CD163L1: variants seen among roughly 807,000 people sequenced by gnomAD.
The protein encoded by CD163L1 is scavenger receptor cysteine-rich type 1 protein M160.
Under a neutral mutation model 165.4 loss-of-function variants are expected in CD163L1, and 124 were observed. The ratio of observed to expected loss-of-function variants is 0.75; its 90% confidence interval spans 0.65 to 0.87. The LOEUF (loss-of-function observed/expected upper bound fraction) is 0.87, where lower values mean the gene tolerates loss of function less well. CD163L1 is among the 40% of genes least tolerant of loss of function. CD163L1 has a pLI of 0.00. For missense variants in CD163L1, 1,525 were observed against 1,799.9 expected, an observed-to-expected ratio of 0.85 and a Z score of 2.76; for synonymous variants, 585 against 662.2, an observed-to-expected ratio of 0.88 and a Z score of 1.79.
the CD163L1 span, among the ~76,000 whole-genome samples, chr12:7,327,764 G>C: frequency 2.0e-5 from 3 of 152,102 alleles, no homozygotes; most frequent in Non-Finnish European, 2.9e-5. Context: ...CTAAATCAGT[G>C]ACTGTTGACT....
In CD163L1 at chr12:7,396,092, T is replaced by C. The variant is rs374656452; in HGVS notation, c.2050+3A>G. 2 of 1,608,126 alleles carry C rather than the reference T, an allele frequency of 1.2e-6. No individual in the cohort carries two copies. Among genetic ancestry groups the C allele is most frequent in the African/African-American group, 1.3e-5 (1 of 74,872 alleles). On this transcript the variant is annotated splice_donor_region_variant and intron_variant, in intron 8 of 19. Transcript: ENST00000313599. ...TAAGGAAGCCCTGGTTTGGGTATCT[T>C]ACCAGAACAGATCACTCCAACATCT...
At chr12:7,383,845 A>C (rs1449887761) in intron 8 of CD163L1, among the ~76,000 whole-genome samples, 1 of 152,220 alleles carries the variant, frequency 6.6e-6, no homozygotes, top group Non-Finnish European at 1.5e-5. Flanking sequence ...ACCCCAAAAT[A>C]TGAAAGCAAC....
the CD163L1 span, among the ~76,000 whole-genome samples, chr12:7,329,336 A>ATTTTTT: frequency 7.2e-6 from 1 of 139,080 alleles, no homozygotes; most frequent in African/African-American, 2.7e-5. Context: ...ACCATATTTA[A>ATTTTTT]TTTTTTTTTC....
chr12:7,322,796 G>A, the CD163L1 span, among the ~76,000 whole-genome samples: 1 of 152,152 alleles, frequency 6.6e-6, no homozygotes, highest in East Asian at 1.9e-4. Context: ...GGTGGGTGAG[G>A]TTCAGAACTG....
At chr12:7,441,304 G>T in intron 1 of CD163L1, 58 bp from the exon 2 acceptor site, 1 of 1,205,846 alleles carries the variant, frequency 8.3e-7, no homozygotes, top group South Asian at 1.2e-5. Context: ...AATGTTAGAT[G>T]ACCTCAATGA....
At position 7,408,009 on chromosome 12, in the gene CD163L1, C is replaced by A. The variant is rs1177180827; in HGVS notation, c.767-1157G>T. ...TTGGTTGACTCCATGGATATGAAAC[C>A]CACAGATTCTAAAGGCCAACTGTGT... On this transcript the variant is annotated intron_variant, in intron 4 of 19. Transcript: ENST00000313599. Among the ~76,000 whole-genome samples the A allele has an allele frequency of 3.3e-5, 5 of 151,350 alleles. No homozygotes were observed. The East Asian group carries it at 9.7e-4, about 29-fold the overall frequency.
intron 4 of CD163L1, among the ~76,000 whole-genome samples, chr12:7,419,096 A>T (rs1474372911): frequency 1.3e-5 from 2 of 151,674 alleles, no homozygotes; most frequent in Non-Finnish European, 3.0e-5. Flanking sequence ...TGATAAATCT[A>T]GATGCAAAAA....
At chr12:7,323,537 T>C in the CD163L1 span, 1 of 1,613,564 alleles carries the variant, frequency 6.2e-7, no homozygotes, top group African/African-American at 1.3e-5. Context: ...TACACGGCCC[T>C]TCTGTTTCTT....
intron 4 of CD163L1, among the ~76,000 whole-genome samples, chr12:7,414,273 A>G (rs1948194727): frequency 6.6e-6 from 1 of 152,148 alleles, no homozygotes; most frequent in African/African-American, 2.4e-5. Flanking sequence ...AGATAGAAAC[A>G]ATTGAAAACA....
chr12:7,370,928 T>A (rs533326274), intron 14 of CD163L1, among the ~76,000 whole-genome samples: 7 of 152,178 alleles, frequency 4.6e-5, no homozygotes, highest in Non-Finnish European at 8.8e-5. Context: ...AATCTCAAAC[T>A]GTAGCTCCCA....
At chr12:7,319,701 T>A in the CD163L1 span, among the ~76,000 whole-genome samples, 1 of 152,098 alleles carries the variant, frequency 6.6e-6, no homozygotes, top group Non-Finnish European at 1.5e-5. Flanking sequence ...GAAACCAGTC[T>A]GTCCTTTGGG....
At chr12:7,325,152 G>A in the CD163L1 span, among the ~76,000 whole-genome samples, 364 of 152,300 alleles carry the variant, frequency 2.4e-3, 1 homozygote, top group African/African-American at 8.1e-3. Context: ...CATGCTGATC[G>A]GTCAGACTTG....
At chr12:7,383,962 T>A (rs2136457088) in intron 8 of CD163L1, among the ~76,000 whole-genome samples, 1 of 152,250 alleles carries the variant, frequency 6.6e-6, no homozygotes, top group East Asian at 1.9e-4. Context: ...CAGCACCACA[T>A]TTCAGCAAAA....
chr12:7,328,395 T>C, the CD163L1 span: 50 of 1,536,756 alleles, frequency 3.3e-5, no homozygotes, highest in Non-Finnish European at 1.5e-5. Context: ...AGCTGAAGGG[T>C]TAAGCAGTAA....
At chr12:7,425,287 A>G (rs1948522203) in intron 4 of CD163L1, among the ~76,000 whole-genome samples, 1 of 152,184 alleles carries the variant, frequency 6.6e-6, no homozygotes, top group Admixed American at 6.5e-5. Context: ...CCATATGCAG[A>G]AAACTGAAAC....
At chr12:7,417,649 T>C (rs1454923046) in intron 4 of CD163L1, among the ~76,000 whole-genome samples, 1 of 152,188 alleles carries the variant, frequency 6.6e-6, no homozygotes, top group Non-Finnish European at 1.5e-5. Context: ...TGAAGGTCTT[T>C]TCTGCATCTA....
At chr12:7,322,438 G>T in the CD163L1 span, 1 of 1,613,762 alleles carries the variant, frequency 6.2e-7, no homozygotes, top group Admixed American at 1.7e-5. Flanking sequence ...AAGAGTCTGC[G>T]GCACTGCTTG....
rs1231821392 is a variant in CD163L1, at chr12:7,433,532, G to T, written c.287C>A (p.Ala96Asp). ...CACGGCTTGTCCAAAACGAAACATG[G>T]CGAAAGAAAATGGACATCCAAGCTG... ...CKQLGCPFSF[A>D]MFRFGQAVTR... The change falls in exon 3 of 20, where the codon GCC becomes GAC. Residue 96 changes from alanine to aspartate, a missense_variant. Transcript: ENST00000313599. The T allele has an allele frequency of 6.2e-7, 1 of 1,614,096 alleles. No individual in the cohort carries two copies. The highest frequency in any genetic ancestry group is 1.1e-5 in the South Asian group (1 of 91,072).
intron 5 of CD163L1, among the ~76,000 whole-genome samples, chr12:7,404,311 A>G (rs1947972335): frequency 1.3e-5 from 2 of 152,266 alleles, no homozygotes; most frequent in South Asian, 4.1e-4. Context: ...AAGAAAAGGG[A>G]CAAAAGGAAT....
Sources: gnomAD v4.1 joint callset for allele counts (sites outside exome capture counted in the v4.1 genomes callset) on GRCh38, gnomAD v4.1.1 for gene constraint, MANE v1.5 for transcripts, NCBI Gene and HGNC (gene_info 2026-07-23, HGNC 2026-07-21) for gene names.